Variants in COL18A1 observed in about 807,000 individuals in gnomAD.
The protein encoded by COL18A1 is collagen alpha-1(XVIII) chain.
In COL18A1, 133 loss-of-function variants were observed where a neutral mutation model predicts 168.0. The observed-to-expected ratio is 0.79, with a 90% CI of 0.69 to 0.91. The LOEUF (loss-of-function observed/expected upper bound fraction) is 0.91, where lower values mean the gene tolerates loss of function less well. COL18A1 is among the 40% of genes least tolerant of loss of function. The pLI is 0.00. For missense variants in COL18A1, 2,126 were observed against 1,925.4 expected (o/e 1.10, Z -1.95); for synonymous variants, 949 against 809.0 (o/e 1.17, Z -2.94).
rs779302279 is a variant in COL18A1, at chr21:45,480,870, C to T, written c.1611+12C>T. Reference sequence around the variant, plus strand: ...TTCCTGGCCTCCCGGTAAGTCCTGCCTCCACCGTCAGTGTCGGGAGCCCTG... The same window carrying T: ...TTCCTGGCCTCCCGGTAAGTCCTGCTTCCACCGTCAGTGTCGGGAGCCCTG... On this transcript the variant is annotated intron_variant, in intron 13 of 41. Transcript: ENST00000651438. 11 of 1,608,478 alleles carry T rather than the reference C, an allele frequency of 6.8e-6. No individual in the cohort carries two copies. The South Asian group carries it at 1.2e-4, about 18-fold the overall frequency.
rs117865619 is a variant in COL18A1 at position 45,489,612 on chromosome 21, T to C, written c.1959+91T>C. Reference sequence around the variant, plus strand: ...TGCGGAGATCAGCTCGGGGCGGCCTTCCCCGCTCTTCCTGCCACTGCTTTG... The same window carrying C: ...TGCGGAGATCAGCTCGGGGCGGCCTCCCCCGCTCTTCCTGCCACTGCTTTG... On this transcript the variant is annotated intron_variant, in intron 19 of 41. Transcript: ENST00000651438. 56,897 of 776,326 alleles carry C rather than the reference T, an allele frequency of 0.073. 2,722 individuals carry two copies. The highest frequency in any genetic ancestry group is 0.17 in the South Asian group (9,111 of 54,444). The allele number at this position is 776,326 out of a possible 1,614,324, so 48.1% of individuals were successfully genotyped here.
rs1374619113 is a variant in COL18A1 at position 45,489,929 on chromosome 21, C to T, written c.1960-346C>T. Among the ~76,000 whole-genome samples the T allele has an allele frequency of 5.7e-5, 5 of 87,436 alleles. No individual in the cohort carries two copies. In the South Asian group the frequency reaches 1.9e-3, roughly 33 times the overall value. The allele number at this position is 87,436 out of a possible 152,430, so 57.4% of individuals were successfully genotyped here. On this transcript the variant is annotated intron_variant, in intron 19 of 41. Transcript: ENST00000651438. Reference sequence around the variant, plus strand: ...TTCCACCTGCCCCACACCTCCTCCCCGACTTCCCCCTCCCCCACTTCCCCC... The same window carrying T: ...TTCCACCTGCCCCACACCTCCTCCCTGACTTCCCCCTCCCCCACTTCCCCC...
intron 3 of COL18A1, among the ~76,000 whole-genome samples, chr21:45,472,462 C>T (rs576272330): frequency 2.0e-5 from 3 of 152,298 alleles, no homozygotes; most frequent in East Asian, 3.9e-4. Flanking sequence ...CCACCCGCCT[C>T]GGCCTTCCAA....
At chr21:45,453,950 A>G (rs2034716168) in intron 2 of COL18A1, among the ~76,000 whole-genome samples, 1 of 152,192 alleles carries the variant, frequency 6.6e-6, no homozygotes, top group African/African-American at 2.4e-5. Flanking sequence ...GGTGTCCCCC[A>G]CAACAGAGTT....
intron 11 of COL18A1, 133 bp from the exon 12 acceptor site, chr21:45,480,334 G>A (rs113945741): frequency 3.2e-5 from 48 of 1,520,294 alleles, no homozygotes; most frequent in African/African-American, 1.8e-4. Flanking sequence ...TTCTCTGGGG[G>A]CAGCAGAGGG....
At chr21:45,486,177 TCA>T (rs1220827308) in intron 15 of COL18A1, among the ~76,000 whole-genome samples, 4 of 152,106 alleles carry the variant, frequency 2.6e-5, no homozygotes, top group African/African-American at 7.2e-5. Context: ...ACTAATAGAG[TCA>T]CCGCAATGCC....
Position 45,474,980 on chromosome 21 carries a change from G to A in COL18A1, c.739-496G>A, listed in dbSNP as rs73907525. Among the ~76,000 whole-genome samples the A allele has an allele frequency of 4.5e-3, 683 of 152,266 alleles. 9 individuals carry two copies. The highest frequency in any genetic ancestry group is 0.016 in the African/African-American group (654 of 41,544). ...GCTGGGTGCGGGGGGTCGCCGAGGC[G>A]CCGCACCCCTCCCCTGGCCTGTCTT... On this transcript the variant is annotated intron_variant, in intron 4 of 41. Transcript: ENST00000651438.
intron 2 of COL18A1, among the ~76,000 whole-genome samples, chr21:45,437,581 T>C (rs866347628): frequency 2.1e-3 from 14 of 6,742 alleles, no homozygotes; most frequent in Non-Finnish European, 2.5e-3. Flanking sequence ...CACTCTCCTG[T>C]ACACACACAC....
intron 18 of COL18A1, among the ~76,000 whole-genome samples, 193 bp downstream of exon 18, chr21:45,488,637 C>T (rs925294168): frequency 1.3e-5 from 2 of 152,144 alleles, no homozygotes; most frequent in African/African-American, 4.8e-5. Flanking sequence ...CCAACCTAGA[C>T]TTCCAGCGTT....
intron 19 of COL18A1, among the ~76,000 whole-genome samples, chr21:45,489,754 C>G (rs1264361631): frequency 6.6e-6 from 1 of 151,676 alleles, no homozygotes; most frequent in East Asian, 1.9e-4. Context: ...TGGCCTTCCT[C>G]CCTCCCGGCT....
At chr21:45,493,320 C>CT in intron 25 of COL18A1, 95 bp downstream of exon 25, 1 of 1,414,194 alleles carries the variant, frequency 7.1e-7, no homozygotes, top group Non-Finnish European at 9.8e-7. Context: ...ACCTGGGACC[C>CT]CCCGGCTGCT....
At position 45,496,579 on chromosome 21, in the gene COL18A1, AGGGCACCCACTGTCCTACAGCCAC is replaced by A; in HGVS notation, c.2577+12_2577+35del. 7.4e-7 allele frequency: 1 copy of A among 1,354,820 alleles called. No homozygotes were observed. Among genetic ancestry groups the A allele is most frequent in the Non-Finnish European group, 1.1e-6 (1 of 950,010 alleles). The allele number at this position is 1,354,820 out of a possible 1,614,324, so 83.9% of individuals were successfully genotyped here. A position where few individuals can be genotyped will look rare whatever the true frequency, so the allele number is the denominator to read the frequency against. The stretch of plus-strand genomic sequence containing the variant: ...GTTTACGACAGCAATGTAAGTCCCC[AGGGCACCCACTGTCCTACAGCCAC>A]CCTTGGCTGTCACACAGAGCCCCAC... On this transcript the variant is annotated intron_variant, in intron 30 of 41. Coordinates refer to ENST00000651438, the MANE Select transcript of COL18A1 (RefSeq NM_001379500.1).
At chr21:45,460,506 A>C (rs1602436867) in intron 2 of COL18A1, among the ~76,000 whole-genome samples, 1 of 152,184 alleles carries the variant, frequency 6.6e-6, no homozygotes, top group African/African-American at 2.4e-5. Flanking sequence ...GTGCACGTGA[A>C]GGTCATGTCA....
At position 45,418,476 on chromosome 21, in the gene COL18A1, A is replaced by T. The variant is rs1159658030; in HGVS notation, c.106+13003A>T. Among the ~76,000 whole-genome samples, 8 of 152,192 alleles carry T rather than the reference A, an allele frequency of 5.3e-5. No individual in the cohort carries two copies. The East Asian group carries it at 9.7e-4, about 18-fold the overall frequency. ...GCCTGGGAACAGCTGCCGGGTGTTT[A>T]GATGAATTCCCGGGCTGGCTCTGGG... On this transcript the variant is annotated intron_variant, in intron 2 of 41. Transcript: ENST00000651438.
Position 45,495,293 on chromosome 21 carries a change from C to T in COL18A1, c.2434-65C>T, listed in dbSNP as rs572472759. ...CTGGCGTGGGGCTAACGGCAGGCACCCTGCGGGAAGGTGTCTGGTAATCAT... is the reference window on the plus strand; with the variant it reads ...CTGGCGTGGGGCTAACGGCAGGCACTCTGCGGGAAGGTGTCTGGTAATCAT... On this transcript the variant is annotated intron_variant, in intron 28 of 41. Transcript: ENST00000651438. 5.0e-6 allele frequency: 7 copies of T among 1,396,442 alleles called. No homozygotes were observed. The African/African-American group carries it at 7.1e-5, about 14-fold the overall frequency. 86.5% of individuals were successfully genotyped at this position (1,396,442 alleles called of 1,614,324 possible).
At chr21:45,497,769 T>C (rs1230043434) in intron 32 of COL18A1, 108 bp downstream of exon 32, 5 of 1,449,998 alleles carry the variant, frequency 3.4e-6, no homozygotes, top group Non-Finnish European at 4.7e-6. Flanking sequence ...CCTCACTGGG[T>C]GGTGACCACC....
chr21:45,441,821 A>G (rs74927037), intron 2 of COL18A1, among the ~76,000 whole-genome samples: 1 of 152,138 alleles, frequency 6.6e-6, no homozygotes, highest in African/African-American at 2.4e-5. Flanking sequence ...TCCTTAAAGG[A>G]TGGAGCACGC....
intron 2 of COL18A1, among the ~76,000 whole-genome samples, chr21:45,461,166 C>T (rs768838994): frequency 2.6e-5 from 4 of 152,078 alleles, no homozygotes; most frequent in Non-Finnish European, 5.9e-5. Context: ...CTTACTTTTC[C>T]TGCATAACTG....
At chr21:45,488,092 C>T (rs1381478291) in intron 17 of COL18A1, among the ~76,000 whole-genome samples, 3 of 152,202 alleles carry the variant, frequency 2.0e-5, no homozygotes, top group African/African-American at 7.2e-5. Flanking sequence ...GGAGGAGCCC[C>T]CGGGGCCACA....
Sources: gnomAD v4.1 joint callset for allele counts (sites outside exome capture counted in the v4.1 genomes callset) on GRCh38, gnomAD v4.1.1 for gene constraint, MANE v1.5 for transcripts, NCBI Gene and HGNC (gene_info 2026-07-23, HGNC 2026-07-21) for gene names.